FGD6: variants seen among roughly 807,000 people sequenced by gnomAD.
The protein encoded by FGD6 is FYVE, RhoGEF and PH domain-containing protein 6.
A neutral mutation model predicts 149.4 loss-of-function variants in FGD6; 90 were observed. The ratio of observed to expected loss-of-function variants is 0.60; its 90% confidence interval spans 0.51 to 0.72. The LOEUF is 0.72. FGD6 is among the 30% of genes least tolerant of loss of function. FGD6 has a pLI of 0.00. For missense variants in FGD6, 1,437 were observed against 1,684.8 expected (o/e 0.85, Z 2.57); for synonymous variants, 527 against 584.0 (o/e 0.90, Z 1.41).
intron 8 of FGD6, among the ~76,000 whole-genome samples, chr12:95,128,949 T>C (rs1177052991): frequency 6.6e-6 from 1 of 152,162 alleles, no homozygotes; most frequent in Non-Finnish European, 1.5e-5. Flanking sequence ...TATGAATAAG[T>C]GGGTTTTCAA....
chr12:95,091,752 G>A lies in FGD6; in HGVS notation c.3805C>T (p.Pro1269Ser). ...AAACAATGTTCACATACTCTTGCTG[G>A]TTGATTTTTCAGGTAATCTAAGCCA... Reference protein sequence around the residue: ...KYGLDYLKNQPARVCEHCFQE... With the variant: ...KYGLDYLKNQSARVCEHCFQE... The change falls in exon 17 of 21, where the codon CCA (proline) becomes TCA (serine). Residue 1269 changes from proline to serine, a missense_variant. By Grantham distance (74) the Pro-to-Ser change is moderately conservative. Transcript: ENST00000343958. The A allele has an allele frequency of 6.2e-7, 1 of 1,613,536 alleles. No homozygotes were observed. The highest frequency in any genetic ancestry group is 8.5e-7 in the Non-Finnish European group (1 of 1,179,856).
In FGD6 at chr12:95,085,801, T is replaced by C; in HGVS notation, c.4086A>G (p.Leu1362=). ...HFWFVIKNKV[L]YTYAASEDVA... ...TTACCTCACTTGCAGCATATGTATA[T>C]AGTACTTTATTTTTTATGACAAACC... The change falls in exon 19 of 21, where the codon CTA becomes CTG. Residue 1362 remains leucine, a synonymous_variant. Coordinates refer to ENST00000343958, the MANE Select transcript of FGD6 (RefSeq NM_018351.4). The C allele has an allele frequency of 6.2e-7, 1 of 1,613,892 alleles. No individual in the cohort carries two copies. The highest frequency in any genetic ancestry group is 8.5e-7 in the Non-Finnish European group (1 of 1,179,948).
At chr12:95,212,336 C>T (rs2056732056) in intron 1 of FGD6, among the ~76,000 whole-genome samples, 2 of 152,174 alleles carry the variant, frequency 1.3e-5, no homozygotes, top group African/African-American at 4.8e-5. Flanking sequence ...AAGATAACTA[C>T]AATTTCTAGT....
intron 2 of FGD6, among the ~76,000 whole-genome samples, chr12:95,179,751 C>T (rs1387923863): frequency 1.3e-5 from 2 of 151,594 alleles, no homozygotes; most frequent in African/African-American, 2.4e-5. Context: ...AAAAAAAGAC[C>T]GGTTAAATAA....
intron 2 of FGD6, among the ~76,000 whole-genome samples, chr12:95,195,887 C>G (rs974523705): frequency 1.3e-5 from 2 of 151,086 alleles, no homozygotes; most frequent in African/African-American, 4.9e-5. Flanking sequence ...ATTAAATACA[C>G]ATGTGAGTAC....
At chr12:95,181,473 G>C (rs1881280496) in intron 2 of FGD6, among the ~76,000 whole-genome samples, 1 of 152,182 alleles carries the variant, frequency 6.6e-6, no homozygotes. Flanking sequence ...TCCAGGTCTA[G>C]CTAGAAAGGA....
chr12:95,149,950 TATC>T (rs1880248247), intron 5 of FGD6, among the ~76,000 whole-genome samples: 1 of 146,510 alleles, frequency 6.8e-6, no homozygotes, highest in African/African-American at 2.5e-5. Context: ...ATATACTACA[TATC>T]ATACTATATA....
chr12:95,124,438 C>A (rs1879281177), intron 8 of FGD6, among the ~76,000 whole-genome samples: 2 of 152,162 alleles, frequency 1.3e-5, no homozygotes, highest in South Asian at 4.1e-4. Context: ...CAAATGTAAG[C>A]ACCACAGTTC....
chr12:95,109,612 G>A lies in FGD6; in HGVS notation c.3134-1051C>T, dbSNP rs7306164. Among the ~76,000 whole-genome samples, 310 of 152,008 alleles carry A rather than the reference G, an allele frequency of 2.0e-3. 3 individuals are homozygous for A. The highest frequency in any genetic ancestry group is 7.0e-3 in the African/African-American group (290 of 41,446). On this transcript the variant is annotated intron_variant, in intron 9 of 20. Coordinates refer to ENST00000343958, the MANE Select transcript of FGD6 (RefSeq NM_018351.4). ...GCGCGGTGGCTCACGCCTGTAATCCGAACACTTTGGAAGGCTGAGGTGGGC... is the reference window on the plus strand; with the variant it reads ...GCGCGGTGGCTCACGCCTGTAATCCAAACACTTTGGAAGGCTGAGGTGGGC...
intron 5 of FGD6, among the ~76,000 whole-genome samples, chr12:95,144,681 G>A (rs1348399766): frequency 2.0e-5 from 3 of 147,806 alleles, no homozygotes; most frequent in South Asian, 4.4e-4. Context: ...CATGAGCCAC[G>A]GCGCCCAGCT....
chr12:95,190,532 A>C (rs2136293488), intron 2 of FGD6, among the ~76,000 whole-genome samples: 1 of 152,260 alleles, frequency 6.6e-6, no homozygotes, highest in East Asian at 1.9e-4. Context: ...AATACTCTTA[A>C]ATCTTTTCCA....
intron 8 of FGD6, among the ~76,000 whole-genome samples, chr12:95,118,676 T>C (rs929706295): frequency 6.6e-6 from 1 of 152,206 alleles, no homozygotes; most frequent in Non-Finnish European, 1.5e-5. Context: ...GTCAAGTGTT[T>C]TGAATTTGAG....
chr12:95,093,662 G>C (rs1429227143), intron 15 of FGD6, among the ~76,000 whole-genome samples: 2 of 137,488 alleles, frequency 1.5e-5, no homozygotes, highest in Non-Finnish European at 3.1e-5. Context: ...GGCAATAAGA[G>C]CAAAACTCTG....
At chr12:95,152,042 T>C (rs968780405) in intron 5 of FGD6, among the ~76,000 whole-genome samples, 7 of 152,056 alleles carry the variant, frequency 4.6e-5, no homozygotes, top group East Asian at 1.9e-4. Context: ...TTGACAATTA[T>C]AGGCTGGCTG....
intron 15 of FGD6, 29 bp downstream of exon 15, chr12:95,094,563 G>GA (rs55905327): frequency 0.11 from 137,383 of 1,211,848 alleles, 17 homozygotes; most frequent in Non-Finnish European, 0.12. Context: ...AAATGCACTG[G>GA]AAAAAAAAAA....
At chr12:95,211,609 G>A (rs776533391) in intron 1 of FGD6, among the ~76,000 whole-genome samples, 2 of 148,674 alleles carry the variant, frequency 1.3e-5, no homozygotes, top group Admixed American at 1.4e-4. Flanking sequence ...ACATGATCTC[G>A]GCTCACTGCA....
chr12:95,176,627 A>T (rs973887857), intron 2 of FGD6, among the ~76,000 whole-genome samples: 2 of 152,042 alleles, frequency 1.3e-5, no homozygotes, highest in Non-Finnish European at 2.9e-5. Context: ...CTTCAATTCC[A>T]CATGCTAACA....
At chr12:95,137,117 A>C (rs1184739980) in intron 7 of FGD6, among the ~76,000 whole-genome samples, 1 of 152,132 alleles carries the variant, frequency 6.6e-6, no homozygotes, top group Non-Finnish European at 1.5e-5. Flanking sequence ...ATCTCCACTA[A>C]AAATACAAAA....
At chr12:95,124,202 G>A (rs548813510) in intron 8 of FGD6, among the ~76,000 whole-genome samples, 61 of 152,006 alleles carry the variant, frequency 4.0e-4, no homozygotes, top group African/African-American at 1.4e-3. Context: ...GTGAGCCACC[G>A]TACCTGGCCT....
Sources: allele counts gnomAD v4.1 joint callset (sites outside exome capture counted in the v4.1 genomes callset), GRCh38; gene constraint gnomAD v4.1.1; transcripts MANE v1.5; gene names NCBI Gene and HGNC (gene_info 2026-07-23, HGNC 2026-07-21).